Variants in SHANK2 observed in about 807,000 individuals in gnomAD.
SHANK2 encodes the protein SH3 and multiple ankyrin repeat domains protein 2.
Under a neutral mutation model 133.7 loss-of-function variants are expected in SHANK2, and 43 were observed. That is an observed-to-expected ratio of 0.32 (90% CI 0.25 to 0.41). The LOEUF is 0.41. SHANK2 is among the 10% of genes least tolerant of loss of function. The probability of loss-of-function intolerance (pLI) is 1.00; values close to 1 mark genes in which losing one functional copy is unlikely to be tolerated. For missense variants in SHANK2, 1,994 were observed against 2,235.8 expected (o/e 0.89, Z 2.18); for synonymous variants, 1,017 against 952.8 (o/e 1.07, Z -1.24).
chr11:71,099,392 A>AG (rs1375172841), intron 6 of SHANK2, among the ~76,000 whole-genome samples: 30 of 152,222 alleles, frequency 2.0e-4, no homozygotes, highest in Non-Finnish European at 7.3e-5. Flanking sequence ...GATGCTGATA[A>AG]GGGGGGAAGC....
At chr11:70,786,710 A>G (rs139547645) in intron 14 of SHANK2, among the ~76,000 whole-genome samples, 1 of 152,250 alleles carries the variant, frequency 6.6e-6, no homozygotes, top group Non-Finnish European at 1.5e-5. Flanking sequence ...GAAAGCCAGG[A>G]ACCTCCTCCA....
chr11:70,876,243 G>GACATACACAC (rs1555071279), intron 11 of SHANK2, among the ~76,000 whole-genome samples: 4 of 134,830 alleles, frequency 3.0e-5, no homozygotes, highest in Admixed American at 1.5e-4. Flanking sequence ...CACACATATA[G>GACATACACAC]ACACACACAC....
chr11:71,107,988 G>C (rs79822240), intron 6 of SHANK2, among the ~76,000 whole-genome samples: 1 of 152,172 alleles, frequency 6.6e-6, no homozygotes, highest in African/African-American at 2.4e-5. Context: ...AGCAGCATCA[G>C]AAATAGCCCT....
At chr11:71,136,554 A>T (rs1232179874) in intron 3 of SHANK2, among the ~76,000 whole-genome samples, 1 of 152,234 alleles carries the variant, frequency 6.6e-6, no homozygotes, top group African/African-American at 2.4e-5. Flanking sequence ...CGGTCACACG[A>T]AAAGCCCACA....
intron 8 of SHANK2, among the ~76,000 whole-genome samples, chr11:71,085,502 A>G (rs1419744858): frequency 1.2e-4 from 15 of 120,052 alleles, no homozygotes; most frequent in South Asian, 2.3e-4. Context: ...TATATAATAT[A>G]TATGTTATAT....
intron 2 of SHANK2, among the ~76,000 whole-genome samples, chr11:71,162,296 A>T (rs1400856060): frequency 3.1e-4 from 47 of 152,238 alleles, no homozygotes; most frequent in South Asian, 2.1e-4. Flanking sequence ...AGGGCATCAC[A>T]TGGTGAGAGG....
At chr11:70,744,357 T>A (rs1275782900) in intron 14 of SHANK2, among the ~76,000 whole-genome samples, 1 of 152,170 alleles carries the variant, frequency 6.6e-6, no homozygotes, top group African/African-American at 2.4e-5. Context: ...GAGACCCATG[T>A]GGGGAACCCT....
chr11:70,569,774 G>C lies in SHANK2; in HGVS notation c.2062-66843C>G, dbSNP rs1451730089. On this transcript the variant is annotated intron_variant, in intron 17 of 25. Coordinates refer to ENST00000601538, the MANE Select transcript of SHANK2 (RefSeq NM_012309.5). The surrounding 1 kb of genome is among the most constrained non-coding windows in gnomAD (Gnocchi z 5.1). ...TGGGGAAGATGCTCTCCTGTCCCTGGGGGGCTGTGATGCTGGCAGATGTGT... is the reference window on the plus strand; with the variant it reads ...TGGGGAAGATGCTCTCCTGTCCCTGCGGGGCTGTGATGCTGGCAGATGTGT... Among the ~76,000 whole-genome samples the C allele has an allele frequency of 1.3e-5, 2 of 152,104 alleles. No individual in the cohort carries two copies. The highest frequency in any genetic ancestry group is 1.5e-5 in the Non-Finnish European group (1 of 68,022).
chr11:70,596,336 C>T lies in SHANK2; in HGVS notation c.2061+63492G>A, dbSNP rs183460890. On this transcript the variant is annotated intron_variant, in intron 17 of 25. Coordinates refer to ENST00000601538, the MANE Select transcript of SHANK2 (RefSeq NM_012309.5). Reference sequence around the variant, plus strand: ...CGCCTGGGAACCAAGAGGGGAGGGGCATGGGCACCAGTTCCGGAAGGAGCC... The same window carrying T: ...CGCCTGGGAACCAAGAGGGGAGGGGTATGGGCACCAGTTCCGGAAGGAGCC... Among the ~76,000 whole-genome samples, 251 of 152,280 alleles carry T rather than the reference C, an allele frequency of 1.6e-3. 3 individuals are homozygous for T. Among genetic ancestry groups the T allele is most frequent in the African/African-American group, 5.7e-3 (237 of 41,562 alleles).
chr11:70,734,006 A>G (rs1946343983), intron 14 of SHANK2, among the ~76,000 whole-genome samples: 1 of 152,132 alleles, frequency 6.6e-6, no homozygotes, highest in South Asian at 2.1e-4. Context: ...GCACTCACAC[A>G]CTCATGGAAG....
At position 70,486,569 on chromosome 11, in the gene SHANK2, C is replaced by T; in HGVS notation, c.3724G>A (p.Asp1242Asn). ...TCAATGTAAAGAGGTTTGTTGAGGT[C>T]GGCCTTGGGGGCCTCCCCTTTGGGT... Reference protein sequence around the residue: ...QGPKGEAPKADLNKPLYIDTK... With the variant: ...QGPKGEAPKANLNKPLYIDTK... Residue 1242 changes from aspartate (D) to asparagine (N), a missense_variant, in exon 25 of 26, where the codon GAC becomes AAC. By Grantham distance (23) the Asp-to-Asn change is conservative (BLOSUM62 1). Transcript: ENST00000601538. The surrounding 1 kb of genome is among the most constrained non-coding windows in gnomAD (Gnocchi z 8.0). 3 of 1,614,054 alleles carry T rather than the reference C, an allele frequency of 1.9e-6. No homozygotes were observed. The highest frequency in any genetic ancestry group is 2.5e-6 in the Non-Finnish European group (3 of 1,180,036).
intron 11 of SHANK2, among the ~76,000 whole-genome samples, chr11:70,850,709 C>G (rs927178425): frequency 2.0e-5 from 3 of 152,162 alleles, no homozygotes; most frequent in African/African-American, 7.2e-5. Context: ...CTCTGAGGCA[C>G]CCGGACCTTC....
At chr11:71,173,312 C>T (rs575501903) in intron 2 of SHANK2, among the ~76,000 whole-genome samples, 77 of 152,292 alleles carry the variant, frequency 5.1e-4, no homozygotes, top group African/African-American at 1.8e-3. Context: ...TGCTGGAAGG[C>T]GTCTGCTGTG....
intron 3 of SHANK2, among the ~76,000 whole-genome samples, chr11:71,135,189 T>C (rs78672796): frequency 0.021 from 3,161 of 152,198 alleles, 68 homozygotes; most frequent in Non-Finnish European, 0.028. Flanking sequence ...GTACAGCCAT[T>C]GGCGCCTCAC....
intron 11 of SHANK2, among the ~76,000 whole-genome samples, chr11:70,878,599 C>T (rs1053055756): frequency 4.6e-5 from 7 of 152,180 alleles, no homozygotes; most frequent in Non-Finnish European, 8.8e-5. Context: ...ACCACCATGA[C>T]GGCCTTCCTC....
chr11:70,615,593 G>A (rs547902779), intron 17 of SHANK2, among the ~76,000 whole-genome samples: 1 of 152,222 alleles, frequency 6.6e-6, no homozygotes, highest in Non-Finnish European at 1.5e-5. Flanking sequence ...AGCCTTACAG[G>A]CTGGCTCGGC....
intron 14 of SHANK2, among the ~76,000 whole-genome samples, chr11:70,706,916 T>C (rs1327937306): frequency 6.6e-6 from 1 of 152,186 alleles, no homozygotes; most frequent in Non-Finnish European, 1.5e-5. Flanking sequence ...GAAGCCAAGA[T>C]GGAGCATCTG....
At chr11:70,691,600 T>C (rs1319670732) in intron 15 of SHANK2, among the ~76,000 whole-genome samples, 1 of 152,016 alleles carries the variant, frequency 6.6e-6, no homozygotes, top group Non-Finnish European at 1.5e-5. Context: ...AAAATAAAAA[T>C]AAAAATATGG....
intron 10 of SHANK2, chr11:70,907,820 G>C (rs1449067775): frequency 4.5e-6 from 2 of 443,778 alleles, no homozygotes; most frequent in African/African-American, 4.0e-5. Flanking sequence ...TAATAGACTG[G>C]GTCAGACATG....
Sources: allele counts gnomAD v4.1 joint callset (sites outside exome capture counted in the v4.1 genomes callset), GRCh38; gene constraint gnomAD v4.1.1; non-coding constraint Gnocchi (gnomAD v3.1); transcripts MANE v1.5; gene names NCBI Gene and HGNC (gene_info 2026-07-23, HGNC 2026-07-21).